ANTXR1: variants seen among roughly 807,000 people sequenced by gnomAD.
The protein encoded by ANTXR1 is ANTXR cell adhesion molecule 1.
A neutral mutation model predicts 78.1 loss-of-function variants in ANTXR1; 19 were observed. The observed-to-expected ratio is 0.24, with a 90% CI of 0.17 to 0.36. The LOEUF is 0.36. Ranked by LOEUF, ANTXR1 falls within the 10% of genes least tolerant of loss-of-function variation. ANTXR1 has a pLI of 1.00. For synonymous variants in ANTXR1, 273 were observed against 260.5 expected (o/e 1.05, Z -0.46); for missense variants, 518 against 718.6 (o/e 0.72, Z 3.19).
At chr2:69,126,061 T>G (rs956546234) in intron 12 of ANTXR1, among the ~76,000 whole-genome samples, 2 of 152,184 alleles carry the variant, frequency 1.3e-5, no homozygotes, top group African/African-American at 4.8e-5. Flanking sequence ...ACTGGAGTTG[T>G]GTCCTTAATA....
chr2:69,126,189 GC>G (rs1259212924), intron 12 of ANTXR1, among the ~76,000 whole-genome samples: 1 of 152,110 alleles, frequency 6.6e-6, no homozygotes, highest in Non-Finnish European at 1.5e-5. Context: ...CCCTCCTAAT[GC>G]CCCCAACACC....
chr2:69,241,093 G>A (rs1675883733), intron 17 of ANTXR1, among the ~76,000 whole-genome samples: 1 of 152,148 alleles, frequency 6.6e-6, no homozygotes, highest in African/African-American at 2.4e-5. Flanking sequence ...AGGATGCTGA[G>A]GTAAACTGAG....
intron 3 of ANTXR1, among the ~76,000 whole-genome samples, chr2:69,066,384 C>T (rs772435181): frequency 5.9e-5 from 9 of 152,128 alleles, no homozygotes; most frequent in Non-Finnish European, 1.0e-4. Flanking sequence ...CAACCTCTGC[C>T]TCCTGGGTTT....
chr2:69,042,831 A>ATGCAG (rs1361617814), intron 2 of ANTXR1, among the ~76,000 whole-genome samples: 1 of 152,164 alleles, frequency 6.6e-6, no homozygotes, highest in Non-Finnish European at 1.5e-5. Flanking sequence ...AGTCCACTGG[A>ATGCAG]TGCAGGGGTT....
intron 11 of ANTXR1, 114 bp from the exon 12 acceptor site, chr2:69,124,447 GACTC>G (rs1459604565): frequency 9.8e-5 from 87 of 889,638 alleles, no homozygotes; most frequent in Non-Finnish European, 1.6e-4. Context: ...CTGGAGAAGA[GACTC>G]CAGTCTCAAG....
intron 10 of ANTXR1, among the ~76,000 whole-genome samples, chr2:69,114,847 C>T (rs1672091041): frequency 6.6e-6 from 1 of 152,192 alleles, no homozygotes; most frequent in Non-Finnish European, 1.5e-5. Context: ...TCTTTCAATG[C>T]CTCTCTAGCT....
chr2:69,217,619 G>T (rs1675210240), intron 17 of ANTXR1, among the ~76,000 whole-genome samples: 2 of 152,144 alleles, frequency 1.3e-5, no homozygotes, highest in South Asian at 2.1e-4. Context: ...GCAATATTGT[G>T]CATGAAATGC....
chr2:69,214,007 C>T (rs1290447964), intron 17 of ANTXR1, among the ~76,000 whole-genome samples: 1 of 152,260 alleles, frequency 6.6e-6, no homozygotes, highest in Admixed American at 6.5e-5. Context: ...GGGCAACCCA[C>T]AGCCAGGCAG....
intron 9 of ANTXR1, among the ~76,000 whole-genome samples, chr2:69,101,654 T>C (rs1671623861): frequency 6.6e-6 from 1 of 152,118 alleles, no homozygotes; most frequent in Non-Finnish European, 1.5e-5. Context: ...GCTTCGAGAG[T>C]CCCATATACT....
At chr2:69,197,339 C>T (rs991409230) in intron 17 of ANTXR1, among the ~76,000 whole-genome samples, 3 of 152,202 alleles carry the variant, frequency 2.0e-5, no homozygotes, top group Non-Finnish European at 4.4e-5. Flanking sequence ...CCACTTCAGA[C>T]TTGCAAAAAC....
intron 10 of ANTXR1, among the ~76,000 whole-genome samples, chr2:69,103,993 C>A (rs1671720792): frequency 6.8e-6 from 1 of 146,784 alleles, no homozygotes; most frequent in Non-Finnish European, 1.5e-5. Flanking sequence ...GGCTGGAGTA[C>A]AATGGCACGA....
chr2:69,177,213 G>C (rs1033991707), intron 14 of ANTXR1, among the ~76,000 whole-genome samples: 1 of 152,192 alleles, frequency 6.6e-6, no homozygotes, highest in Non-Finnish European at 1.5e-5. Flanking sequence ...AATAGGTTAC[G>C]CTTAAACAAC....
chr2:69,166,407 A>G (rs976206039), intron 13 of ANTXR1, among the ~76,000 whole-genome samples: 1 of 152,144 alleles, frequency 6.6e-6, no homozygotes, highest in Admixed American at 6.5e-5. Context: ...CAGGAGTTCC[A>G]TATTCCATCT....
chr2:69,043,960 G>A (rs1440122680), intron 2 of ANTXR1, among the ~76,000 whole-genome samples: 1 of 152,136 alleles, frequency 6.6e-6, no homozygotes, highest in Non-Finnish European at 1.5e-5. Flanking sequence ...TTGATGCTAT[G>A]ACGGAAGAAC....
At chr2:69,219,414 C>T (rs1241225465) in intron 17 of ANTXR1, among the ~76,000 whole-genome samples, 2 of 151,840 alleles carry the variant, frequency 1.3e-5, no homozygotes, top group Non-Finnish European at 2.9e-5. Flanking sequence ...CACACACACA[C>T]ACACACACCC....
chr2:69,044,111 G>A (rs1669687370), intron 2 of ANTXR1, among the ~76,000 whole-genome samples: 1 of 152,060 alleles, frequency 6.6e-6, no homozygotes, highest in Non-Finnish European at 1.5e-5. Context: ...GAATGCTCCT[G>A]AGCACTGCCA....
At chr2:69,027,630 GTGTGTGTGTA>G (rs978388159) in intron 1 of ANTXR1, among the ~76,000 whole-genome samples, 13 of 144,908 alleles carry the variant, frequency 9.0e-5, no homozygotes, top group African/African-American at 3.2e-4. Context: ...AAGTGTGTGT[GTGTGTGTGTA>G]TGTGTGTGTG....
intron 17 of ANTXR1, among the ~76,000 whole-genome samples, chr2:69,194,101 C>T (rs144165312): frequency 1.3e-5 from 2 of 152,302 alleles, no homozygotes; most frequent in East Asian, 3.9e-4. Flanking sequence ...ACAAAAATCA[C>T]CTAATTGCAT....
chr2:69,068,599 A>C (rs1573835608), intron 3 of ANTXR1, among the ~76,000 whole-genome samples: 2 of 152,222 alleles, frequency 1.3e-5, no homozygotes, highest in Admixed American at 6.5e-5. Context: ...ATGAGGCTGG[A>C]CAGGGAGGCA....
Sources: gnomAD v4.1 joint callset for allele counts (sites outside exome capture counted in the v4.1 genomes callset) on GRCh38, gnomAD v4.1.1 for gene constraint, MANE v1.5 for transcripts, NCBI Gene and HGNC (gene_info 2026-07-23, HGNC 2026-07-21) for gene names.